The following LILRB1 variants were observed in gnomAD, a reference collection of about 807,000 sequenced individuals.
LILRB1 encodes the protein leukocyte immunoglobulin-like receptor subfamily B member 1.
A neutral mutation model predicts 74.6 loss-of-function variants in LILRB1; 59 were observed. The ratio of observed to expected loss-of-function variants is 0.79; its 90% CI spans 0.64 to 0.98. The LOEUF (loss-of-function observed/expected upper bound fraction) is 0.98. Among genes scored for constraint, LILRB1 ranks in the 50% least tolerant of loss-of-function variants. The pLI is 0.00. For synonymous variants in LILRB1, 328 were observed against 333.9 expected, an observed-to-expected ratio of 0.98 and a Z score of 0.19; for missense variants, 804 against 822.6, an observed-to-expected ratio of 0.98 and a Z score of 0.28.
At position 54,637,971 on chromosome 19, in the gene LILRB1, A is replaced by G. The variant is rs557957289; in HGVS notation, c.*1093A>G. The stretch of plus-strand genomic sequence containing the variant: ...TAGATGTGTGTGTGTGTGTATATAT[A>G]TGTGTGTGTGTGTGAAAAACATTGA... On this transcript the variant is annotated 3_prime_UTR_variant, in exon 15 of 15. Transcript: ENST00000324602. Among the ~76,000 whole-genome samples the G allele has an allele frequency of 5.1e-4, 77 of 152,108 alleles. 1 individual carries two copies. The highest frequency in any genetic ancestry group is 1.7e-3 in the African/African-American group (70 of 41,478).
rs771940433 is a variant in LILRB1, at chr19:54,635,697, T to G, written c.1653+88T>G. ...ACTTCTCTGTCCTCCTTCCCCCGGC[T>G]CTCAGCATCGTCACGGTGGACCCCT... is the stretch of plus-strand genomic sequence containing the variant. On this transcript the variant is annotated intron_variant, in intron 13 of 14. Coordinates refer to ENST00000324602, the MANE Select transcript of LILRB1 (RefSeq NM_001081637.3). The G allele has an allele frequency of 2.7e-6, 4 of 1,469,726 alleles. No individual in the cohort carries two copies. The Admixed American group carries it at 6.7e-5, about 25-fold the overall frequency. The allele number at this position is 1,469,726 out of a possible 1,614,324, so 91.0% of individuals were successfully genotyped here.
upstream of LILRB1, among the ~76,000 whole-genome samples, chr19:54,627,146 G>A (rs74388709): frequency 0.033 from 5,038 of 152,320 alleles, 106 homozygotes; most frequent in South Asian, 0.054. Flanking sequence ...CTGTGGGTTG[G>A]ACAGATGCAT....
At chr19:54,619,856 C>T (rs1226844108) in intron 1 of LILRB1, among the ~76,000 whole-genome samples, 1 of 151,492 alleles carries the variant, frequency 6.6e-6, no homozygotes, top group Non-Finnish European at 1.5e-5. Flanking sequence ...GCTAAGATGC[C>T]TTTGAATTCA....
chr19:54,627,124 G>A (rs1410872393), upstream of LILRB1, among the ~76,000 whole-genome samples: 1 of 152,178 alleles, frequency 6.6e-6, no homozygotes, highest in Non-Finnish European at 1.5e-5. Flanking sequence ...GAGACAAAGT[G>A]CCATGGCTGC....
chr19:54,626,281 C>G (rs2063585461), upstream of LILRB1, among the ~76,000 whole-genome samples: 1 of 152,092 alleles, frequency 6.6e-6, no homozygotes, highest in African/African-American at 2.4e-5. Context: ...TACTTTGTAT[C>G]TATTCTAGGT....
At chr19:54,624,909 C>T (rs551169257) in intron 1 of LILRB1, among the ~76,000 whole-genome samples, 18 of 148,708 alleles carry the variant, frequency 1.2e-4, no homozygotes, top group African/African-American at 4.4e-4. Flanking sequence ...CAGGTGGGGG[C>T]AGGGTGGCTG....
chr19:54,628,603 G>C (rs1286382659), upstream of LILRB1, among the ~76,000 whole-genome samples: 1 of 152,124 alleles, frequency 6.6e-6, no homozygotes, highest in Non-Finnish European at 1.5e-5. Flanking sequence ...CAGATGAAGA[G>C]ACTCATAGGA....
In LILRB1 at chr19:54,631,960, A is replaced by G; in HGVS notation, c.384A>G (p.Ser128=). The G allele has an allele frequency of 2.5e-6, 4 of 1,613,348 alleles. No individual in the cohort carries two copies. Among genetic ancestry groups the G allele is most frequent in the Non-Finnish European group, 3.4e-6 (4 of 1,179,412 alleles). The change falls in exon 5 of 15, where the codon TCA becomes TCG. Residue 128 remains serine, a synonymous_variant. Transcript: ENST00000324602. ...VTGAYIKPTL[S]AQPSPVVNSG... is the part of the protein sequence containing the mutation. ...GAGCCTACATCAAACCCACCCTCTC[A>G]GCCCAGCCCAGCCCCGTGGTGAACT...
At chr19:54,629,272 G>A (rs1197871557), upstream of LILRB1, among the ~76,000 whole-genome samples, 1 of 152,150 alleles carries the variant, frequency 6.6e-6, no homozygotes, top group African/African-American at 2.4e-5. Flanking sequence ...TGCATGTAGC[G>A]GGTACTGAAA....
At chr19:54,623,292 T>C (rs77583653) in intron 1 of LILRB1, among the ~76,000 whole-genome samples, 5,036 of 152,336 alleles carry the variant, frequency 0.033, 106 homozygotes, top group South Asian at 0.053. Flanking sequence ...CCATCTGTTC[T>C]TGGGCTTTTT....
upstream of LILRB1, among the ~76,000 whole-genome samples, chr19:54,626,511 C>T (rs1035122654): frequency 6.6e-6 from 1 of 152,128 alleles, no homozygotes; most frequent in African/African-American, 2.4e-5. Context: ...ATTATGTTTT[C>T]TACTTTATTC....
chr19:54,631,506 T>A lies in LILRB1; in HGVS notation c.77T>A (p.Leu26His), dbSNP rs201224544. Residue 26 changes from leucine (L) to histidine (H), a missense_variant, in exon 4 of 15, where the codon CTC (leucine) becomes CAC (histidine). By Grantham distance (99) the Leu-to-His change is moderately conservative (BLOSUM62 -3). Transcript: ENST00000324602. The part of the protein sequence containing the change: ...GPRTHVQAGH[L>H]PKPTLWAEPG... Reference sequence around the variant, plus strand: ...ACTCCTGATTTCCTTCCAGGGCACCTCCCCAAGCCCACCCTCTGGGCTGAA... The same window carrying A: ...ACTCCTGATTTCCTTCCAGGGCACCACCCCAAGCCCACCCTCTGGGCTGAA... The A allele has an allele frequency of 5.0e-4, 811 of 1,608,206 alleles. No individual in the cohort carries two copies. The South Asian group carries it at 8.4e-3, about 17-fold the overall frequency.
intron 1 of LILRB1, among the ~76,000 whole-genome samples, chr19:54,622,093 T>C (rs114608095): frequency 1.5e-3 from 224 of 152,340 alleles, no homozygotes; most frequent in African/African-American, 4.9e-3. Context: ...TATGGCCTTA[T>C]AGTATAACTT....
In LILRB1 at chr19:54,633,108, T is replaced by C. The variant is rs765206177; in HGVS notation, c.1051T>C (p.Trp351Arg). 1.3e-5 allele frequency: 21 copies of C among 1,569,780 alleles called. No homozygotes were observed. In the South Asian group the frequency reaches 2.0e-4, roughly 15 times the overall value. ...NVTLLCQSQG[W>R]MQTFLLTKEG... is the part of the protein sequence containing the mutation. ...GACCCTGCTGTGTCAGTCACAGGGA[T>C]GGATGCAAACTTTCCTTCTGACCAA... Residue 351 changes from tryptophan (W) to arginine (R), a missense_variant, in exon 7 of 15, where the codon TGG becomes CGG. Coordinates refer to ENST00000324602, the MANE Select transcript of LILRB1 (RefSeq NM_001081637.3).
At chr19:54,632,899 A>C (rs1233119195) in intron 6 of LILRB1, 117 bp from the exon 7 acceptor site, 2 of 706,856 alleles carry the variant, frequency 2.8e-6, no homozygotes, top group East Asian at 5.3e-5. Flanking sequence ...ATGGGCGGGG[A>C]GGGGGAGACT....
At position 54,633,674 on chromosome 19, in the gene LILRB1, C is replaced by A. The variant is rs149088674; in HGVS notation, c.1298C>A (p.Pro433His). ...GGCCCCAGCTCCCCGACAACAGGCCCCACCTCCACATCTGGTGAGTCCCTG... is the reference window on the plus strand; with the variant it reads ...GGCCCCAGCTCCCCGACAACAGGCCACACCTCCACATCTGGTGAGTCCCTG... ...SGGPSSPTTG[P>H]TSTSAGPEDQ... The change falls in exon 8 of 15, where the codon CCC (proline) becomes CAC (histidine). Residue 433 changes from proline (P) to histidine (H), a missense_variant. Physicochemically the swap from Pro to His is moderately conservative, Grantham distance 77. Coordinates refer to ENST00000324602, the MANE Select transcript of LILRB1 (RefSeq NM_001081637.3). 5.7e-4 allele frequency: 913 copies of A among 1,613,730 alleles called. 12 individuals are homozygous for A. In the East Asian group the frequency reaches 0.018, roughly 31 times the overall value.
chr19:54,627,859 C>A (rs749684691), upstream of LILRB1, among the ~76,000 whole-genome samples: 2 of 152,144 alleles, frequency 1.3e-5, no homozygotes, highest in African/African-American at 2.4e-5. Flanking sequence ...GTAGCGGACG[C>A]CAGCTGAGTG....
At chr19:54,620,998 A>G (rs944504258) in intron 1 of LILRB1, among the ~76,000 whole-genome samples, 2 of 151,798 alleles carry the variant, frequency 1.3e-5, no homozygotes, top group African/African-American at 4.8e-5. Flanking sequence ...TTAGCCTCCC[A>G]AGTAGCTGGG....
intron 1 of LILRB1, among the ~76,000 whole-genome samples, chr19:54,620,749 C>T (rs1052941881): frequency 1.3e-5 from 2 of 152,162 alleles, no homozygotes; most frequent in African/African-American, 4.8e-5. Flanking sequence ...GTGTATGAAG[C>T]ATATGAACCA....
Sources: gnomAD v4.1 joint callset for allele counts (sites outside exome capture counted in the v4.1 genomes callset) on GRCh38, gnomAD v4.1.1 for gene constraint, MANE v1.5 for transcripts, NCBI Gene and HGNC (gene_info 2026-07-23, HGNC 2026-07-21) for gene names.